Variants in KLF17 observed in about 807,000 individuals in gnomAD.
The protein encoded by KLF17 is KLF transcription factor 17.
A neutral mutation model predicts 34.2 loss-of-function variants in KLF17; 31 were observed. That is an observed-to-expected ratio of 0.91 (90% CI 0.68 to 1.22). The LOEUF is 1.22. Among genes scored for constraint, KLF17 ranks in the 50% most tolerant of loss-of-function variants. The probability of loss-of-function intolerance (pLI) is 0.00; values close to 1 mark genes in which losing one functional copy is unlikely to be tolerated. For missense variants in KLF17, 478 were observed against 505.2 expected (o/e 0.95, Z 0.52); for synonymous variants, 179 against 186.7 (o/e 0.96, Z 0.34).
the KLF17 span, among the ~76,000 whole-genome samples, chr1:44,069,435 A>G: frequency 0.13 from 19,292 of 150,736 alleles, 1,463 homozygotes; most frequent in African/African-American, 0.21. The surrounding 1 kb of genome is among the most constrained non-coding windows in gnomAD (Gnocchi z 4.7). Context: ...TACAACTGCC[A>G]TGGAAGGCGG....
At chr1:44,093,958 G>A in the KLF17 span, among the ~76,000 whole-genome samples, 1 of 152,232 alleles carries the variant, frequency 6.6e-6, no homozygotes, top group Admixed American at 6.5e-5. Context: ...AGACAGAGAA[G>A]AAACAGTCCA....
the KLF17 span, chr1:44,103,894 T>A: frequency 1.5e-5 from 12 of 806,036 alleles, no homozygotes; most frequent in African/African-American, 1.8e-4. Context: ...TCCCAGTGCC[T>A]CCCAGCCAGC....
intron 1 of KLF17, among the ~76,000 whole-genome samples, chr1:44,123,004 T>G (rs1387540170): frequency 6.6e-6 from 1 of 151,942 alleles, no homozygotes; most frequent in Admixed American, 6.6e-5. Context: ...TAATTTTGAA[T>G]TTTTTTTTCT....
the KLF17 span, among the ~76,000 whole-genome samples, chr1:44,090,092 A>C: frequency 6.7e-6 from 1 of 150,018 alleles, no homozygotes; most frequent in African/African-American, 2.5e-5. Context: ...AGCTCTGACC[A>C]TGCCACTGCC....
At chr1:44,112,020 A>G in the KLF17 span, among the ~76,000 whole-genome samples, 1 of 152,242 alleles carries the variant, frequency 6.6e-6, no homozygotes, top group African/African-American at 2.4e-5. Flanking sequence ...AGGATACCAC[A>G]TTACACTTAG....
At chr1:44,093,893 G>A in the KLF17 span, among the ~76,000 whole-genome samples, 1 of 152,340 alleles carries the variant, frequency 6.6e-6, no homozygotes, top group East Asian at 1.9e-4. Context: ...TACCAAGTTA[G>A]TGTACTGTTT....
At chr1:44,098,880 G>C in the KLF17 span, among the ~76,000 whole-genome samples, 9 of 149,524 alleles carry the variant, frequency 6.0e-5, no homozygotes, top group Non-Finnish European at 8.9e-5. Context: ...ACAGATTTTA[G>C]GTCTTACTCA....
chr1:44,111,446 G>T, the KLF17 span, among the ~76,000 whole-genome samples: 1 of 133,088 alleles, frequency 7.5e-6, no homozygotes, highest in Admixed American at 7.4e-5. Context: ...TATTTTGCAT[G>T]AATTCCTTTG....
chr1:44,048,796 G>A, the KLF17 span, among the ~76,000 whole-genome samples: 5 of 151,842 alleles, frequency 3.3e-5, no homozygotes, highest in East Asian at 1.9e-4. Context: ...GTGTTGCAAA[G>A]TTGATTTAGT....
chr1:44,103,640 G>A, the KLF17 span: 2 of 1,610,362 alleles, frequency 1.2e-6, no homozygotes, highest in South Asian at 1.1e-5. Flanking sequence ...CCAGCTTGAC[G>A]TTCATCAGCT....
the KLF17 span, among the ~76,000 whole-genome samples, chr1:44,078,117 A>C: frequency 1.3e-5 from 2 of 152,248 alleles, no homozygotes; most frequent in Non-Finnish European, 2.9e-5. Flanking sequence ...CAAAATGATC[A>C]ATCAGTTCCT....
At chr1:44,106,581 A>G in the KLF17 span, 1 of 152,222 alleles carries the variant, frequency 6.6e-6, no homozygotes, top group Non-Finnish European at 1.5e-5. Flanking sequence ...TCTTCCCCAG[A>G]TTCCCAGGAG....
chr1:44,122,639 G>A, intron 1 of KLF17: 1 of 616,062 alleles, frequency 1.6e-6, no homozygotes, highest in South Asian at 1.8e-5. Context: ...CTCTCCCCCA[G>A]GCTGGAGTGC....
At chr1:44,087,769 TACACAC>T in the KLF17 span, among the ~76,000 whole-genome samples, 140 of 52,180 alleles carry the variant, frequency 2.7e-3, 2 homozygotes, top group South Asian at 4.3e-3. Flanking sequence ...TATATATATA[TACACAC>T]ACACACACAC....
chr1:44,049,323 C>G, the KLF17 span, among the ~76,000 whole-genome samples: 1 of 152,176 alleles, frequency 6.6e-6, no homozygotes, highest in African/African-American at 2.4e-5. Flanking sequence ...GGGGGGCACA[C>G]AACATTTAGT....
At position 44,129,276 on chromosome 1, in the gene KLF17, A is replaced by G. The variant is rs895360702; in HGVS notation, c.82-77A>G. Reference sequence around the variant, plus strand: ...GATGGAAATAGAGGGCTGGATTAGGATGGGGTCTGGGGATGAAGAGGAGGA... The same window carrying G: ...GATGGAAATAGAGGGCTGGATTAGGGTGGGGTCTGGGGATGAAGAGGAGGA... On this transcript the variant is annotated intron_variant, in intron 1 of 3. Transcript: ENST00000372299. The G allele has an allele frequency of 1.0e-5, 15 of 1,459,670 alleles. No homozygotes were observed. In the African/African-American group the frequency reaches 1.7e-4, roughly 17 times the overall value. 90.4% of individuals were successfully genotyped at this position (1,459,670 alleles called of 1,614,324 possible). A position where few individuals can be genotyped will look rare whatever the true frequency, so the allele number is the denominator to read the frequency against.
chr1:44,059,521 T>C, the KLF17 span, among the ~76,000 whole-genome samples: 2 of 152,190 alleles, frequency 1.3e-5, no homozygotes, highest in Non-Finnish European at 2.9e-5. Flanking sequence ...CAGTTCTACC[T>C]TCTGGCCTAC....
chr1:44,127,817 TTTGA>T (rs1427140213), intron 1 of KLF17, among the ~76,000 whole-genome samples: 1 of 151,084 alleles, frequency 6.6e-6, no homozygotes, highest in Non-Finnish European at 1.5e-5. Flanking sequence ...CTTTCTTGTG[TTTGA>T]TTGTTGTTAC....
chr1:44,104,261 C>CA, the KLF17 span: 2 of 1,507,020 alleles, frequency 1.3e-6, no homozygotes, highest in Non-Finnish European at 9.2e-7. Context: ...AGTCCTCCAC[C>CA]AGCCCCTGCG....
Sources: gnomAD v4.1 joint callset for allele counts (sites outside exome capture counted in the v4.1 genomes callset) on GRCh38, gnomAD v4.1.1 for gene constraint, Gnocchi (gnomAD v3.1) non-coding constraint, MANE v1.5 for transcripts, NCBI Gene and HGNC (gene_info 2026-07-23, HGNC 2026-07-21) for gene names.